Variants in KCNH7 observed in about 807,000 individuals in gnomAD.
KCNH7 encodes the protein voltage-gated inwardly rectifying potassium channel KCNH7.
KCNH7 carries 49 observed loss-of-function variants against 120.8 expected under a neutral mutation model. The observed-to-expected ratio is 0.41, with a 90% CI of 0.32 to 0.51. The LOEUF (loss-of-function observed/expected upper bound fraction) is 0.51. KCNH7 is among the 20% of genes least tolerant of loss of function. The pLI, the probability that KCNH7 is intolerant of heterozygous loss-of-function variation, is 0.38. For synonymous variants in KCNH7, 547 were observed against 516.1 expected (o/e 1.06, Z -0.81); for missense variants, 1,097 against 1,446.6 (o/e 0.76, Z 3.92).
At chr2:162,663,491 C>G (rs1685038488) in intron 2 of KCNH7, among the ~76,000 whole-genome samples, 1 of 152,102 alleles carries the variant, frequency 6.6e-6, no homozygotes, top group Non-Finnish European at 1.5e-5. Flanking sequence ...ACACATGATT[C>G]TGATTATCAC....
chr2:162,664,851 A>G (rs1469128071), intron 2 of KCNH7, among the ~76,000 whole-genome samples: 1 of 152,142 alleles, frequency 6.6e-6, no homozygotes, highest in African/African-American at 2.4e-5. Context: ...AAGTTCCCCA[A>G]GTGCTCTTCT....
chr2:162,389,809 C>T (rs1425451241), intron 12 of KCNH7, among the ~76,000 whole-genome samples: 1 of 151,932 alleles, frequency 6.6e-6, no homozygotes, highest in African/African-American at 2.4e-5. Flanking sequence ...TGTAGAAACA[C>T]TTTTTTCTGC....
At chr2:162,426,915 A>G (rs992298142) in intron 8 of KCNH7, among the ~76,000 whole-genome samples, 1 of 152,058 alleles carries the variant, frequency 6.6e-6, no homozygotes, top group Non-Finnish European at 1.5e-5. Context: ...CCTTTATGTC[A>G]TTACAGATTA....
intron 5 of KCNH7, among the ~76,000 whole-genome samples, chr2:162,509,618 A>G (rs1564954): frequency 0.74 from 112,516 of 151,430 alleles, 45,383 homozygotes; most frequent in Non-Finnish European, 0.92. Context: ...TCTTCATATT[A>G]TCTGTTTCAG....
intron 2 of KCNH7, among the ~76,000 whole-genome samples, chr2:162,627,197 C>A (rs1204311314): frequency 1.3e-5 from 2 of 152,086 alleles, no homozygotes; most frequent in Non-Finnish European, 2.9e-5. Flanking sequence ...GCACTGCATG[C>A]TAGATTTACT....
intron 8 of KCNH7, among the ~76,000 whole-genome samples, chr2:162,428,033 T>A (rs909173602): frequency 2.0e-5 from 3 of 151,822 alleles, no homozygotes; most frequent in Non-Finnish European, 4.4e-5. Flanking sequence ...TTTCTTTTCT[T>A]CCAGTTGTAT....
intron 2 of KCNH7, among the ~76,000 whole-genome samples, chr2:162,788,008 G>A (rs1163775527): frequency 6.6e-6 from 1 of 152,104 alleles, no homozygotes; most frequent in Non-Finnish European, 1.5e-5. Flanking sequence ...AATACAATAT[G>A]TAAAGAGTAG....
chr2:162,457,572 A>G (rs1310858447), intron 6 of KCNH7, among the ~76,000 whole-genome samples: 5 of 152,198 alleles, frequency 3.3e-5, no homozygotes, highest in Admixed American at 1.3e-4. Context: ...ATGAAGATCT[A>G]CTGTGAAAAT....
At chr2:162,455,748 A>G (rs1219241575) in intron 6 of KCNH7, among the ~76,000 whole-genome samples, 1 of 151,980 alleles carries the variant, frequency 6.6e-6, no homozygotes, top group East Asian at 1.9e-4. Context: ...TTATTCTCTG[A>G]TGGTGGTTTG....
intron 2 of KCNH7, among the ~76,000 whole-genome samples, chr2:162,581,137 T>C (rs953470559): frequency 6.6e-6 from 1 of 152,048 alleles, no homozygotes; most frequent in Non-Finnish European, 1.5e-5. Context: ...TGAAATTTGA[T>C]AGATCCCTGG....
intron 2 of KCNH7, among the ~76,000 whole-genome samples, chr2:162,666,736 T>G (rs1413564489): frequency 6.6e-6 from 1 of 152,172 alleles, no homozygotes; most frequent in Non-Finnish European, 1.5e-5. Context: ...TTTGCTAACT[T>G]CTTGATCACA....
In KCNH7 at chr2:162,423,396, T is replaced by C. The variant is rs371528227; in HGVS notation, c.2094A>G (p.Gln698=). The change falls in exon 9 of 16, where the codon CAA becomes CAG. Residue 698 remains glutamine, a synonymous_variant. Transcript: ENST00000332142. ...RFHQIPNPLR[Q]RLEEYFQHAW... The stretch of plus-strand genomic sequence containing the variant: ...CGTGCTGGAAATATTCTTCAAGACG[T>C]TGCCTCAGAGGGTTGGGGATTTGGT... The C allele has an allele frequency of 2.1e-5, 34 of 1,614,006 alleles. No individual in the cohort carries two copies. Among genetic ancestry groups the C allele is most frequent in the African/African-American group, 5.3e-5 (4 of 74,934 alleles).
chr2:162,588,270 T>G (rs889209250), intron 2 of KCNH7, among the ~76,000 whole-genome samples: 2 of 152,082 alleles, frequency 1.3e-5, no homozygotes, highest in African/African-American at 4.8e-5. Context: ...CTTTGGTTAT[T>G]TTTCTGAAAA....
chr2:162,625,081 G>C (rs1444785578), intron 2 of KCNH7, among the ~76,000 whole-genome samples: 2 of 151,822 alleles, frequency 1.3e-5, no homozygotes, highest in East Asian at 3.9e-4. Context: ...ATTTTTAGTA[G>C]AGATGGGGTA....
At chr2:162,502,499 T>C (rs1690718823) in intron 6 of KCNH7, among the ~76,000 whole-genome samples, 1 of 152,098 alleles carries the variant, frequency 6.6e-6, no homozygotes, top group African/African-American at 2.4e-5. Flanking sequence ...CTTGCATTCA[T>C]GGCCTACAAT....
At chr2:162,707,541 G>A (rs1233821216) in intron 2 of KCNH7, among the ~76,000 whole-genome samples, 1 of 152,000 alleles carries the variant, frequency 6.6e-6, no homozygotes, top group Non-Finnish European at 1.5e-5. Flanking sequence ...AAGAAATATT[G>A]ATCAAGCACA....
chr2:162,465,008 T>G (rs899474850), intron 6 of KCNH7, among the ~76,000 whole-genome samples: 5 of 152,108 alleles, frequency 3.3e-5, no homozygotes, highest in Non-Finnish European at 7.4e-5. Flanking sequence ...ACCATGATCA[T>G]TTCATAAAAG....
At chr2:162,822,328 G>T (rs1239706545) in intron 2 of KCNH7, among the ~76,000 whole-genome samples, 1 of 151,724 alleles carries the variant, frequency 6.6e-6, no homozygotes, top group East Asian at 1.9e-4. Context: ...CATTTACTGG[G>T]TACCTGGAGC....
At chr2:162,662,270 GGAAAAGAAAA>G (rs201724226) in intron 2 of KCNH7, among the ~76,000 whole-genome samples, 2 of 151,656 alleles carry the variant, frequency 1.3e-5, no homozygotes, top group Admixed American at 6.6e-5. Context: ...CTCAAAAAAA[GGAAAAGAAAA>G]GAAAAGAAAA....
Sources: gnomAD v4.1 joint callset for allele counts (sites outside exome capture counted in the v4.1 genomes callset) on GRCh38, gnomAD v4.1.1 for gene constraint, MANE v1.5 for transcripts, NCBI Gene and HGNC (gene_info 2026-07-23, HGNC 2026-07-21) for gene names.